ENTPD2: variants seen among roughly 807,000 people sequenced by gnomAD.
The protein encoded by ENTPD2 is ectonucleoside triphosphate diphosphohydrolase 2, also known as CD39 antigen-like 1.
Under a neutral mutation model 46.8 loss-of-function variants are expected in ENTPD2, and 48 were observed. The observed-to-expected ratio is 1.03, with a 90% CI of 0.81 to 1.30. The LOEUF (loss-of-function observed/expected upper bound fraction) is 1.30, where lower values mean the gene tolerates loss of function less well. Among genes scored for constraint, ENTPD2 ranks in the 50% most tolerant of loss-of-function variants. ENTPD2 has a pLI of 0.00. For missense variants in ENTPD2, 707 were observed against 651.1 expected, an observed-to-expected ratio of 1.09 and a Z score of -0.93; for synonymous variants, 316 against 286.1, an observed-to-expected ratio of 1.10 and a Z score of -1.06.
In ENTPD2 at chr9:137,050,172, C is replaced by T. The variant is rs7860436; in HGVS notation, c.1029+112G>A. 1,341 of 228,154 alleles carry T rather than the reference C, an allele frequency of 5.9e-3. 13 individuals are homozygous for T. Among genetic ancestry groups the T allele is most frequent in the South Asian group, 7.3e-3 (93 of 12,778 alleles). The allele number at this position is 228,154 out of a possible 1,614,324, so 14.1% of individuals were successfully genotyped here. On this transcript the variant is annotated intron_variant, in intron 6 of 8. Coordinates refer to ENST00000355097, the MANE Select transcript of ENTPD2 (RefSeq NM_203468.3). ...TTCCCAGCCACCCGCCTGTCCCTAC[C>T]CACGACAAAGTTCCCAGCCACCCGC...
Position 137,049,002 on chromosome 9 carries a change from A to AGCT in ENTPD2, c.1220_1222dup (p.Gln407dup). The AGCT allele has an allele frequency of 6.5e-7, 1 of 1,536,710 alleles. No individual in the cohort carries two copies. Among genetic ancestry groups the AGCT allele is most frequent in the Admixed American group, 2.0e-5 (1 of 50,722 alleles). The stretch of plus-strand genomic sequence containing the variant: ...GTCGAAGCCGTAGCCGCGACTCAGC[A>AGCT]GCTGCTGCACGAACATGGCCCCGGC... On this transcript the variant is annotated inframe_insertion, in exon 8 of 9. Transcript: ENST00000355097.
At chr9:137,049,409 G>T in intron 7 of ENTPD2, 6 of 572,988 alleles carry the variant, frequency 1.0e-5, no homozygotes, top group Non-Finnish European at 1.6e-5. Flanking sequence ...CTGCCCGCTG[G>T]CTCGCCGCCT....
chr9:137,050,456 A>T lies in ENTPD2; in HGVS notation c.857T>A (p.Met286Lys), dbSNP rs778013442. 5 of 1,612,888 alleles carry T rather than the reference A, an allele frequency of 3.1e-6. No homozygotes were observed. Residue 286 changes from methionine (M) to lysine (K), a missense_variant, in exon 6 of 9, where the codon ATG becomes AAG. Met to Lys is a moderately conservative substitution (Grantham distance 95). Transcript: ENST00000355097. ...GTTGAAGTTCTGGGGCCGCTGGGCC[A>T]TGGTGCATGGTGACTGGTACACATC... ...LGDVYQSPCT[M>K]AQRPQNFNSS...
chr9:137,051,492 G>A lies in ENTPD2; in HGVS notation c.386+18C>T, dbSNP rs199974469. ...AAAGGCCATCATGGGGACAGGGCCA[G>A]GGCACAGGCACACTCACTTGAGCAG... On this transcript the variant is annotated intron_variant, in intron 3 of 8. Coordinates refer to ENST00000355097, the MANE Select transcript of ENTPD2 (RefSeq NM_203468.3). 440 of 1,577,650 alleles carry A rather than the reference G, an allele frequency of 2.8e-4. 2 individuals carry two copies. Among genetic ancestry groups the A allele is most frequent in the Non-Finnish European group, 6.2e-5 (72 of 1,160,126 alleles).
chr9:137,050,582 C>T, intron 5 of ENTPD2, 44 bp from the exon 6 acceptor site: 1 of 1,596,028 alleles, frequency 6.3e-7, no homozygotes, highest in Non-Finnish European at 8.5e-7. Flanking sequence ...ACCACCGCTC[C>T]AGAGGACCAG....
At chr9:137,051,424 G>C in intron 3 of ENTPD2, 54 bp from the exon 4 acceptor site, 1 of 1,540,914 alleles carries the variant, frequency 6.5e-7, no homozygotes, top group South Asian at 1.3e-5. Flanking sequence ...CTGTGAGCCT[G>C]CTGTAGGGGT....
rs555069562 is a variant in ENTPD2, at chr9:137,051,259, C to A, written c.498G>T (p.Gly166=). 28 of 1,612,798 alleles carry A rather than the reference C, an allele frequency of 1.7e-5. No homozygotes were observed. The highest frequency in any genetic ancestry group is 2.3e-5 in the Non-Finnish European group (27 of 1,179,874). ...AGTTGGCAGTCACCCAGCCAAACAC[C>A]CCCTCTTCCTGGCCCGAGAGGATGC... is the stretch of plus-strand genomic sequence containing the variant. ...GARILSGQEE[G]VFGWVTANYL... Residue 166 remains glycine (G), a synonymous_variant, in exon 4 of 9, where the codon GGG becomes GGT. Transcript: ENST00000355097.
chr9:137,052,526 G>A (rs1832321508), intron 1 of ENTPD2, 178 bp from the exon 2 acceptor site: 1 of 539,610 alleles, frequency 1.9e-6, no homozygotes, highest in Non-Finnish European at 3.3e-6. Context: ...GTGGTTGGAA[G>A]GAGAACAGGG....
chr9:137,051,794 C>G (rs1832304279), intron 2 of ENTPD2, 134 bp from the exon 3 acceptor site: 4 of 1,340,600 alleles, frequency 3.0e-6, no homozygotes, highest in Admixed American at 3.0e-5. Context: ...CTTAAGCCCC[C>G]AGAAACGCCC....
In ENTPD2 at chr9:137,050,500, G is replaced by A; in HGVS notation, c.813C>T (p.Ser271=). The change falls in exon 6 of 9, where the codon TCC becomes TCT. Residue 271 remains serine (S), a synonymous_variant. Coordinates refer to ENST00000355097, the MANE Select transcript of ENTPD2 (RefSeq NM_203468.3). ...ACACATCCCCGAGCAGCACTTGGGT[G>A]GAAAAGCCCCTCGGCCAGCAGGGGT... is the stretch of plus-strand genomic sequence containing the variant. ...GFHPCWPRGF[S]TQVLLGDVYQ... 6.2e-7 allele frequency: 1 copy of A among 1,612,794 alleles called. No homozygotes were observed. Among genetic ancestry groups the A allele is most frequent in the Non-Finnish European group, 8.5e-7 (1 of 1,179,972 alleles).
chr9:137,048,696 C>A lies in ENTPD2; in HGVS notation c.1449G>T (p.Leu483=). 6.2e-7 allele frequency: 1 copy of A among 1,605,004 alleles called. No homozygotes were observed. Residue 483 remains leucine (L), a synonymous_variant, in exon 9 of 9, where the codon CTG becomes CTT. Coordinates refer to ENST00000355097, the MANE Select transcript of ENTPD2 (RefSeq NM_203468.3). ...SALLAALVLL[L]RQVHSAKLPS... ...GCAGCTTGGCGGAGTGCACCTGACGCAGCAGCAGGACAAGCGCAGCCAGGA... is the reference window on the plus strand; with the variant it reads ...GCAGCTTGGCGGAGTGCACCTGACGAAGCAGCAGGACAAGCGCAGCCAGGA...
At chr9:137,051,700 A>C in intron 2 of ENTPD2, 40 bp from the exon 3 acceptor site, 1 of 1,567,354 alleles carries the variant, frequency 6.4e-7, no homozygotes, top group South Asian at 1.2e-5. Flanking sequence ...CCTCACGGGC[A>C]GCCCCTAGGT....
At position 137,048,773 on chromosome 9, in the gene ENTPD2, C is replaced by G; in HGVS notation, c.1372G>C (p.Gly458Arg). The G allele has an allele frequency of 1.9e-6, 3 of 1,596,792 alleles. No homozygotes were observed. The highest frequency in any genetic ancestry group is 2.6e-6 in the Non-Finnish European group (3 of 1,171,440). ...ACGACCCAGGAGCTGAAGTCTGTGC[C>G]CTTGCGCAGCCCCGGCGGGTCGGCG... is the stretch of plus-strand genomic sequence containing the variant. ...IPADPPGLRK[G>R]TDFSSWVVLL... The change falls in exon 9 of 9, where the codon GGC becomes CGC. Residue 458 changes from glycine to arginine, a missense_variant. Gly to Arg is a moderately radical substitution (Grantham distance 125). Coordinates refer to ENST00000355097, the MANE Select transcript of ENTPD2 (RefSeq NM_203468.3).
chr9:137,052,476 A>C, intron 1 of ENTPD2, 128 bp from the exon 2 acceptor site: 6 of 715,570 alleles, frequency 8.4e-6, no homozygotes, highest in East Asian at 2.7e-5. Flanking sequence ...GCCAAGCCTC[A>C]TGCTGAAGCT....
At position 137,052,243 on chromosome 9, in the gene ENTPD2, A is replaced by T; in HGVS notation, c.223T>A (p.Cys75Ser). 6.2e-7 allele frequency: 1 copy of T among 1,612,004 alleles called. No individual in the cohort carries two copies. Among genetic ancestry groups the T allele is most frequent in the Non-Finnish European group, 8.5e-7 (1 of 1,179,354 alleles). ...GGCTGGGCCTCACCTGGAACATCAC[A>T]GGAGCTGTGCTGGCCCACAATGCCT... is the stretch of plus-strand genomic sequence containing the variant. The part of the protein sequence containing the change: ...DTGIVGQHSS[C>S]DVPGGGISSY... Residue 75 changes from cysteine (C) to serine (S), a missense_variant, in exon 2 of 9, where the codon TGT (cysteine) becomes AGT (serine). Physicochemically the swap from Cys to Ser is moderately radical, Grantham distance 112. Transcript: ENST00000355097.
intron 7 of ENTPD2, chr9:137,049,305 G>C: frequency 1.3e-6 from 1 of 759,222 alleles, no homozygotes; most frequent in Non-Finnish European, 2.3e-6. Flanking sequence ...TGGAAGGCCA[G>C]TGAGGAGGGA....
In ENTPD2 at chr9:137,053,930, A is replaced by G. The variant is rs1180938686; in HGVS notation, c.68T>C (p.Leu23Pro). 38 of 1,217,376 alleles carry G rather than the reference A, an allele frequency of 3.1e-5. No homozygotes were observed. In the East Asian group the frequency reaches 4.8e-4, roughly 15 times the overall value. 75.4% of individuals were successfully genotyped at this position (1,217,376 alleles called of 1,614,324 possible). A position where few individuals can be genotyped will look rare whatever the true frequency, so the allele number is the denominator to read the frequency against. Residue 23 changes from leucine (L) to proline (P), a missense_variant, in exon 1 of 9, where the codon CTA becomes CCA. Transcript: ENST00000355097. ...GTCGCGGGTGGGGACGCACAGCAGT[A>G]GGAGGCCGGCGAGGCCCGCGGCGGC... ...LLAAAGLAGL[L>P]LLCVPTRDVR...
At position 137,053,902 on chromosome 9, in the gene ENTPD2, G is replaced by A; in HGVS notation, c.96C>T (p.Val32=). 6 of 1,225,320 alleles carry A rather than the reference G, an allele frequency of 4.9e-6. No individual in the cohort carries two copies. The highest frequency in any genetic ancestry group is 6.1e-6 in the Non-Finnish European group (6 of 983,668). The allele number at this position is 1,225,320 out of a possible 1,614,324, so 75.9% of individuals were successfully genotyped here. A position where few individuals can be genotyped will look rare whatever the true frequency, so the allele number is the denominator to read the frequency against. Residue 32 remains valine, a synonymous_variant, in exon 1 of 9, where the codon GTC becomes GTT. Coordinates refer to ENST00000355097, the MANE Select transcript of ENTPD2 (RefSeq NM_203468.3). The part of the protein sequence containing the change: ...LLLLCVPTRD[V]REPPALKYGI... ...GCACCTTGAGGGCGGGCGGCTCCCG[G>A]ACGTCGCGGGTGGGGACGCACAGCA...
rs1246566626 is a variant in ENTPD2 at position 137,053,909 on chromosome 9, C to T, written c.89G>A (p.Arg30His). Residue 30 changes from arginine (R) to histidine (H), a missense_variant, in exon 1 of 9, where the codon CGC (arginine) becomes CAC (histidine). By Grantham distance (29) the Arg-to-His change is conservative. Transcript: ENST00000355097. ...GAGGGCGGGCGGCTCCCGGACGTCG[C>T]GGGTGGGGACGCACAGCAGTAGGAG... ...AGLLLLCVPT[R>H]DVREPPALKY... 3.3e-6 allele frequency: 4 copies of T among 1,225,220 alleles called. No individual in the cohort carries two copies. Among genetic ancestry groups the T allele is most frequent in the African/African-American group, 3.1e-5 (2 of 63,978 alleles). The allele number at this position is 1,225,220 out of a possible 1,614,324, so 75.9% of individuals were successfully genotyped here.
Sources: allele counts gnomAD v4.1 joint callset, GRCh38; gene constraint gnomAD v4.1.1; transcripts MANE v1.5; gene names NCBI Gene and HGNC (gene_info 2026-07-23, HGNC 2026-07-21).